The following RPS6KC1 variants were observed in gnomAD, a reference collection of about 807,000 sequenced individuals.
The protein encoded by RPS6KC1 is ribosomal protein S6 kinase C1.
Under a neutral mutation model 103.8 loss-of-function variants are expected in RPS6KC1, and 54 were observed. That is an observed-to-expected ratio of 0.52 (90% CI 0.42 to 0.65). The LOEUF (loss-of-function observed/expected upper bound fraction) is 0.65. RPS6KC1 is among the 30% of genes least tolerant of loss of function. The pLI, the probability that RPS6KC1 is intolerant of heterozygous loss-of-function variation, is 0.00. For missense variants in RPS6KC1, 1,151 were observed against 1,253.8 expected (o/e 0.92, Z 1.24); for synonymous variants, 439 against 438.7 (o/e 1.00, Z -0.01).
the RPS6KC1 span, among the ~76,000 whole-genome samples, chr1:213,287,084 CAAT>C: frequency 2.0e-5 from 3 of 152,064 alleles, no homozygotes; most frequent in Admixed American, 1.3e-4. Context: ...AAAGACTAAA[CAAT>C]AGTATCTAGA....
chr1:213,343,114 T>C, the RPS6KC1 span, among the ~76,000 whole-genome samples: 1 of 148,804 alleles, frequency 6.7e-6, no homozygotes, highest in Non-Finnish European at 1.5e-5. Context: ...AGAGGAGAAA[T>C]CAAACAAGAA....
chr1:213,652,148 A>G, the RPS6KC1 span, among the ~76,000 whole-genome samples: 9 of 152,184 alleles, frequency 5.9e-5, no homozygotes, highest in Non-Finnish European at 1.3e-4. Context: ...TAATTTATTG[A>G]TGAATGTCTT....
chr1:213,261,415 T>C, intron 12 of RPS6KC1, 143 bp from the exon 13 acceptor site: 1 of 699,924 alleles, frequency 1.4e-6, no homozygotes, highest in Middle Eastern at 3.7e-4. Context: ...AAGGGATAAG[T>C]AACTTTCAGG....
the RPS6KC1 span, among the ~76,000 whole-genome samples, chr1:213,398,529 C>T: frequency 1.3e-5 from 2 of 152,120 alleles, no homozygotes; most frequent in Non-Finnish European, 2.9e-5. Flanking sequence ...GAGCCTGTCA[C>T]ACTTCCTTTT....
chr1:213,201,374 A>C (rs1407766468), intron 8 of RPS6KC1, among the ~76,000 whole-genome samples: 1 of 152,226 alleles, frequency 6.6e-6, no homozygotes, highest in Non-Finnish European at 1.5e-5. Flanking sequence ...TATATTATAT[A>C]ATTCCAATTG....
chr1:213,680,417 A>G, the RPS6KC1 span, among the ~76,000 whole-genome samples: 3 of 152,244 alleles, frequency 2.0e-5, no homozygotes, highest in South Asian at 4.1e-4. Context: ...AAACCTGCCA[A>G]ATCCATCACC....
At chr1:213,580,160 G>A in the RPS6KC1 span, among the ~76,000 whole-genome samples, 5 of 152,028 alleles carry the variant, frequency 3.3e-5, no homozygotes, top group African/African-American at 1.2e-4. Flanking sequence ...CATAAAGAAC[G>A]TCATGATTCA....
chr1:213,849,138 G>C, the RPS6KC1 span, among the ~76,000 whole-genome samples: 1 of 152,164 alleles, frequency 6.6e-6, no homozygotes, highest in African/African-American at 2.4e-5. Context: ...TTGCACTTCT[G>C]AGCTGTGTTT....
chr1:213,399,358 T>A, the RPS6KC1 span, among the ~76,000 whole-genome samples: 2 of 152,148 alleles, frequency 1.3e-5, no homozygotes, highest in Non-Finnish European at 2.9e-5. Context: ...AGATGACTTG[T>A]AAGACTGAGC....
chr1:213,625,701 T>C, the RPS6KC1 span, among the ~76,000 whole-genome samples: 2 of 152,226 alleles, frequency 1.3e-5, no homozygotes, highest in Non-Finnish European at 2.9e-5. Flanking sequence ...GTCCTTGCGA[T>C]AGTTTGCTGA....
chr1:213,717,347 G>A, the RPS6KC1 span, among the ~76,000 whole-genome samples: 4 of 152,334 alleles, frequency 2.6e-5, no homozygotes, highest in South Asian at 8.3e-4. Context: ...GGTAAATTCT[G>A]TGATGGACTT....
chr1:213,647,060 G>A, the RPS6KC1 span, among the ~76,000 whole-genome samples: 1 of 151,576 alleles, frequency 6.6e-6, no homozygotes, highest in African/African-American at 2.4e-5. Flanking sequence ...ACTACCGCCC[G>A]TAATACACAC....
the RPS6KC1 span, among the ~76,000 whole-genome samples, chr1:213,626,394 G>A: frequency 6.6e-6 from 1 of 152,136 alleles, no homozygotes; most frequent in Non-Finnish European, 1.5e-5. Flanking sequence ...CACTTTGATG[G>A]TAGTTTCTTT....
chr1:213,213,595 T>G (rs2093575796), intron 8 of RPS6KC1, among the ~76,000 whole-genome samples: 1 of 152,226 alleles, frequency 6.6e-6, no homozygotes, highest in South Asian at 2.1e-4. Flanking sequence ...GACAATCATT[T>G]AAAATTTTTC....
At chr1:213,709,168 T>A in the RPS6KC1 span, among the ~76,000 whole-genome samples, 1 of 152,214 alleles carries the variant, frequency 6.6e-6, no homozygotes, top group South Asian at 2.1e-4. Flanking sequence ...TGTCTGTGAA[T>A]CCGTCTGGTC....
At chr1:213,698,034 T>C in the RPS6KC1 span, among the ~76,000 whole-genome samples, 1 of 152,218 alleles carries the variant, frequency 6.6e-6, no homozygotes, top group Admixed American at 6.5e-5. Context: ...ATTTGCATTC[T>C]AGTTTTTCAT....
the RPS6KC1 span, among the ~76,000 whole-genome samples, chr1:213,529,561 A>G: frequency 3.9e-4 from 60 of 152,366 alleles, 1 homozygote; most frequent in African/African-American, 1.4e-3. Context: ...AAAATTTGTA[A>G]CATGCTTAGA....
At chr1:213,677,424 C>T in the RPS6KC1 span, among the ~76,000 whole-genome samples, 1 of 152,118 alleles carries the variant, frequency 6.6e-6, no homozygotes, top group Non-Finnish European at 1.5e-5. Context: ...AATTACCAGC[C>T]CAGTTCTCTT....
chr1:213,386,775 T>C, the RPS6KC1 span, among the ~76,000 whole-genome samples: 5 of 152,332 alleles, frequency 3.3e-5, no homozygotes, highest in East Asian at 9.6e-4. Context: ...CTGGCTGCCA[T>C]ATGTCAGAGC....
Sources: gnomAD v4.1 joint callset for allele counts (sites outside exome capture counted in the v4.1 genomes callset) on GRCh38, gnomAD v4.1.1 for gene constraint, MANE v1.5 for transcripts, NCBI Gene and HGNC (gene_info 2026-07-23, HGNC 2026-07-21) for gene names.